CFAP91: variants seen among roughly 807,000 people sequenced by gnomAD.
CFAP91 encodes the protein cilia- and flagella-associated protein 91.
In CFAP91, 85 loss-of-function variants were observed where a neutral mutation model predicts 95.9. The ratio of observed to expected loss-of-function variants is 0.89; its 90% confidence interval spans 0.74 to 1.06. The LOEUF (loss-of-function observed/expected upper bound fraction) is 1.06, where lower values mean the gene tolerates loss of function less well. Ranked by LOEUF, CFAP91 falls within the 50% of genes least tolerant of loss-of-function variation. The probability of loss-of-function intolerance (pLI) is 0.00; values close to 1 mark genes in which losing one functional copy is unlikely to be tolerated. For missense variants in CFAP91, 962 were observed against 943.4 expected (o/e 1.02, Z -0.26); for synonymous variants, 335 against 327.5 (o/e 1.02, Z -0.25).
intron 17 of CFAP91, among the ~76,000 whole-genome samples, chr3:119,751,757 G>T (rs2054328369): frequency 6.6e-6 from 1 of 152,104 alleles, no homozygotes; most frequent in African/African-American, 2.4e-5. Flanking sequence ...AAGGAAAAGA[G>T]GTTCACACCG....
intron 7 of CFAP91, 38 bp downstream of exon 7, chr3:119,726,386 G>T: frequency 6.4e-7 from 1 of 1,555,696 alleles, no homozygotes; most frequent in South Asian, 1.2e-5. Context: ...TTCCTGCACT[G>T]GTGGGAATAA....
chr3:119,726,349 G>A lies in CFAP91; in HGVS notation c.860+1G>A, dbSNP rs2107879367. 6.2e-7 allele frequency: 1 copy of A among 1,608,594 alleles called. No individual in the cohort carries two copies. The highest frequency in any genetic ancestry group is 1.1e-5 in the South Asian group (1 of 89,926). The stretch of plus-strand genomic sequence containing the variant: ...CCTTCAGAGAGCAGGAGATTGAAAA[G>A]TAGGTTCTCTATCACCCAGACAACT... On this transcript the variant is annotated splice_donor_variant, in intron 7 of 17. Coordinates refer to ENST00000273390, the MANE Select transcript of CFAP91 (RefSeq NM_033364.4). LOFTEE classifies it high-confidence loss of function.
chr3:119,727,688 G>A (rs981827951), intron 7 of CFAP91, among the ~76,000 whole-genome samples: 1 of 152,176 alleles, frequency 6.6e-6, no homozygotes, highest in African/African-American at 2.4e-5. Context: ...CTCTCAGGCT[G>A]TGTCTATCAG....
intron 14 of CFAP91, among the ~76,000 whole-genome samples, chr3:119,744,648 C>T (rs925272131): frequency 2.0e-5 from 3 of 151,948 alleles, no homozygotes; most frequent in Non-Finnish European, 2.9e-5. Flanking sequence ...GGTATTATTT[C>T]GTGAGGTAGG....
At chr3:119,735,131 C>T (rs2053976742) in intron 10 of CFAP91, among the ~76,000 whole-genome samples, 1 of 151,688 alleles carries the variant, frequency 6.6e-6, no homozygotes, top group African/African-American at 2.4e-5. Flanking sequence ...TTATTTATGC[C>T]TTAACTCTTT....
chr3:119,762,116 T>C (rs2054548092), intron 17 of CFAP91, among the ~76,000 whole-genome samples: 1 of 151,914 alleles, frequency 6.6e-6, no homozygotes, highest in African/African-American at 2.4e-5. Flanking sequence ...AAAAAACTAA[T>C]AGAAATGATA....
At chr3:119,731,775 T>A (rs2053902543) in intron 8 of CFAP91, among the ~76,000 whole-genome samples, 1 of 152,222 alleles carries the variant, frequency 6.6e-6, no homozygotes, top group African/African-American at 2.4e-5. Flanking sequence ...ACTCTTTAGA[T>A]GAGTATACTC....
At chr3:119,704,534 C>G (rs1227589037) in intron 1 of CFAP91, among the ~76,000 whole-genome samples, 2 of 152,016 alleles carry the variant, frequency 1.3e-5, no homozygotes. Flanking sequence ...CAAGAGGCAC[C>G]GTTAAGCTTG....
intron 3 of CFAP91, 122 bp from the exon 4 acceptor site, chr3:119,708,469 A>C (rs763398830): frequency 7.7e-6 from 5 of 653,476 alleles, no homozygotes; most frequent in Non-Finnish European, 1.3e-5. Context: ...AGGTTATGGA[A>C]GACTTTACTC....
At chr3:119,743,744 T>A (rs2054165745) in intron 13 of CFAP91, among the ~76,000 whole-genome samples, 1 of 152,242 alleles carries the variant, frequency 6.6e-6, no homozygotes, top group Non-Finnish European at 1.5e-5. Context: ...TCTTGCTTAT[T>A]TGAGGGCTGT....
chr3:119,715,223 T>C (rs1156239671), intron 5 of CFAP91: 1 of 304,702 alleles, frequency 3.3e-6, no homozygotes, highest in Non-Finnish European at 6.2e-6. Context: ...AACCAGAGAA[T>C]GTAGTAATGC....
At chr3:119,714,989 G>C (rs2053546672) in intron 5 of CFAP91, among the ~76,000 whole-genome samples, 1 of 152,142 alleles carries the variant, frequency 6.6e-6, no homozygotes, top group Non-Finnish European at 1.5e-5. Flanking sequence ...TTCTGCAAGA[G>C]ACAAGCTAAC....
At chr3:119,738,138 G>C (rs1302631255) in intron 11 of CFAP91, among the ~76,000 whole-genome samples, 1 of 152,070 alleles carries the variant, frequency 6.6e-6, no homozygotes, top group East Asian at 1.9e-4. Context: ...CAAGAAGCCA[G>C]ATTGTATTCA....
At position 119,703,050 on chromosome 3, in the gene CFAP91, C is replaced by T. The variant is rs761957762; in HGVS notation, c.-49C>T. On this transcript the variant is annotated 5_prime_UTR_variant, in exon 1 of 18. Coordinates refer to ENST00000273390, the MANE Select transcript of CFAP91 (RefSeq NM_033364.4). ...ACCATAGCGACGTGCACGCAGTAGC[C>T]AGGCCTGACCCGCTGGTCCCTTGCT... 8.6e-5 allele frequency: 132 copies of T among 1,543,416 alleles called. No homozygotes were observed. The highest frequency in any genetic ancestry group is 6.2e-5 in the Non-Finnish European group (71 of 1,142,824).
At chr3:119,750,741 G>A (rs1219470538) in intron 16 of CFAP91, 196 bp from the exon 17 acceptor site, 7 of 590,626 alleles carry the variant, frequency 1.2e-5, no homozygotes, top group Middle Eastern at 4.6e-4. Context: ...GGAGTGGAAT[G>A]GAGGCAAGCC....
chr3:119,763,584 T>A (rs1009665672), intron 17 of CFAP91, among the ~76,000 whole-genome samples: 11 of 151,446 alleles, frequency 7.3e-5, no homozygotes, highest in Non-Finnish European at 1.0e-4. Context: ...CACCAACAGA[T>A]GATGGTATAC....
At chr3:119,707,717 A>T (rs898569573) in intron 3 of CFAP91, among the ~76,000 whole-genome samples, 156 bp downstream of exon 3, 6 of 148,832 alleles carry the variant, frequency 4.0e-5, no homozygotes, top group African/African-American at 1.2e-4. Context: ...ACCTGATTAT[A>T]TATTGTATAT....
intron 1 of CFAP91, 198 bp downstream of exon 1, chr3:119,703,420 C>T: frequency 4.0e-6 from 3 of 752,806 alleles, no homozygotes; most frequent in Non-Finnish European, 4.2e-6. Flanking sequence ...GTCGGGGGTT[C>T]GGGTACATCG....
intron 7 of CFAP91, among the ~76,000 whole-genome samples, chr3:119,729,717 A>G (rs2053857659): frequency 6.6e-6 from 1 of 152,170 alleles, no homozygotes; most frequent in African/African-American, 2.4e-5. Context: ...GCATTGTTGG[A>G]TGCACATGAG....
Sources: gnomAD v4.1 joint callset for allele counts (sites outside exome capture counted in the v4.1 genomes callset) on GRCh38, gnomAD v4.1.1 for gene constraint, MANE v1.5 for transcripts, NCBI Gene and HGNC (gene_info 2026-07-23, HGNC 2026-07-21) for gene names.